ITGAE: variants seen among roughly 807,000 people sequenced by gnomAD.
ITGAE encodes the protein integrin alpha-E.
A neutral mutation model predicts 136.5 loss-of-function variants in ITGAE; 99 were observed. The ratio of observed to expected loss-of-function variants is 0.73; its 90% CI spans 0.62 to 0.86. ITGAE has a LOEUF of 0.86. ITGAE is among the 40% of genes least tolerant of loss of function. The pLI, the probability that ITGAE is intolerant of heterozygous loss-of-function variation, is 0.00. For synonymous variants in ITGAE, 613 were observed against 591.8 expected, an observed-to-expected ratio of 1.04 and a Z score of -0.52; for missense variants, 1,447 against 1,515.3, an observed-to-expected ratio of 0.95 and a Z score of 0.75.
intron 2 of ITGAE, among the ~76,000 whole-genome samples, chr17:3,773,633 A>G (rs1373494969): frequency 6.6e-6 from 1 of 152,194 alleles, no homozygotes; most frequent in Admixed American, 6.5e-5. Context: ...TCTGCTACCC[A>G]GAAGCTCCCC....
At chr17:3,733,117 G>A (rs771052653) in intron 21 of ITGAE, among the ~76,000 whole-genome samples, 3 of 152,074 alleles carry the variant, frequency 2.0e-5, no homozygotes, top group Non-Finnish European at 2.9e-5. Flanking sequence ...CCAAGTAGCT[G>A]GGATTATAGG....
intron 1 of ITGAE, among the ~76,000 whole-genome samples, chr17:3,790,621 G>A (rs1368976088): frequency 2.0e-5 from 3 of 152,090 alleles, no homozygotes; most frequent in African/African-American, 7.2e-5. Flanking sequence ...GAAACCTGAC[G>A]TTAAACTTCC....
At chr17:3,765,211 T>C (rs1211866455) in intron 2 of ITGAE, among the ~76,000 whole-genome samples, 7 of 151,206 alleles carry the variant, frequency 4.6e-5, no homozygotes, top group Non-Finnish European at 2.9e-5. Context: ...TAGCCGGGCG[T>C]GGTGGCGGGT....
Position 3,761,907 on chromosome 17 carries a change from G to A in ITGAE, c.315+8C>T. The A allele has an allele frequency of 6.2e-7, 1 of 1,612,912 alleles. No homozygotes were observed. The highest frequency in any genetic ancestry group is 2.2e-5 in the East Asian group (1 of 44,876). ...TAAGGCCCTCCCTCCTCTCGCTCCT[G>A]CACTCACCAAAACACCGTGGTGGCT... On this transcript the variant is annotated splice_region_variant and intron_variant, in intron 4 of 30. Coordinates refer to ENST00000263087, the MANE Select transcript of ITGAE (RefSeq NM_002208.5).
At chr17:3,717,577 C>T (rs2050966804) in intron 29 of ITGAE, 1 of 152,120 alleles carries the variant, frequency 6.6e-6, no homozygotes, top group South Asian at 2.1e-4. Context: ...TTAGGTGGGG[C>T]CAGAGAGCCA....
chr17:3,724,883 C>T, intron 26 of ITGAE: 1 of 1,613,488 alleles, frequency 6.2e-7, no homozygotes, highest in Non-Finnish European at 8.5e-7. Flanking sequence ...ATCAGGAGGC[C>T]AGTGTTCCCA....
chr17:3,736,275 C>G (rs777600180), intron 20 of ITGAE, among the ~76,000 whole-genome samples: 4 of 152,156 alleles, frequency 2.6e-5, no homozygotes, highest in Admixed American at 6.6e-5. Flanking sequence ...CACTATTGCA[C>G]TCCAGCCTGG....
At chr17:3,758,251 T>C (rs1373035138) in intron 8 of ITGAE, among the ~76,000 whole-genome samples, 3 of 152,178 alleles carry the variant, frequency 2.0e-5, no homozygotes, top group Non-Finnish European at 4.4e-5. Context: ...CTATTATTTT[T>C]CTTTCTTTTT....
intron 1 of ITGAE, among the ~76,000 whole-genome samples, chr17:3,797,680 T>G (rs1246964345): frequency 6.6e-6 from 1 of 151,122 alleles, no homozygotes; most frequent in Non-Finnish European, 1.5e-5. Context: ...AGGATGGTCT[T>G]GAACTCCTGA....
At chr17:3,778,118 C>T (rs778422728) in intron 1 of ITGAE, among the ~76,000 whole-genome samples, 14 of 152,020 alleles carry the variant, frequency 9.2e-5, no homozygotes, top group Non-Finnish European at 2.1e-4. Context: ...TTTATACCAG[C>T]TTTATTCGGA....
chr17:3,792,190 C>T (rs1474864580), intron 1 of ITGAE, among the ~76,000 whole-genome samples: 2 of 152,128 alleles, frequency 1.3e-5, no homozygotes, highest in African/African-American at 2.4e-5. Flanking sequence ...GGCGCGATCT[C>T]GGCTCACTGC....
rs769598023 is a variant in ITGAE at position 3,728,110 on chromosome 17, A to G, written c.2971T>C (p.Phe991Leu). 1.2e-5 allele frequency: 19 copies of G among 1,611,818 alleles called. 1 individual carries two copies. Among genetic ancestry groups the G allele is most frequent in the Middle Eastern group, 3.3e-4 (2 of 6,082 alleles). ...QGLSHHKEFLFHVHGENLFGA... is the reference protein window; with the variant it reads ...QGLSHHKEFLLHVHGENLFGA... ...TTACAATAATAAGTACTTACATGGA[A>G]GAGGAATTCTTTGTGGTGAGAAAGC... is the stretch of plus-strand genomic sequence containing the variant. Residue 991 changes from phenylalanine (F) to leucine (L), a missense_variant, in exon 25 of 31, where the codon TTC (phenylalanine) becomes CTC (leucine). Physicochemically the swap from Phe to Leu is conservative, Grantham distance 22. This residue lies in a region of ITGAE where 1,031 missense variants were observed against 1,011.4 expected (regional missense o/e 1.02). Transcript: ENST00000263087.
intron 19 of ITGAE, among the ~76,000 whole-genome samples, chr17:3,741,891 A>G (rs1274557022): frequency 6.6e-6 from 1 of 152,204 alleles, no homozygotes; most frequent in Non-Finnish European, 1.5e-5. Flanking sequence ...AGCCTGGCCA[A>G]CATAGTGAAA....
At chr17:3,741,969 C>T (rs543434151) in intron 19 of ITGAE, among the ~76,000 whole-genome samples, 85 of 152,158 alleles carry the variant, frequency 5.6e-4, no homozygotes, top group Non-Finnish European at 7.6e-4. Context: ...CCCAGCTACT[C>T]GGGAGGCTGA....
chr17:3,781,988 G>T (rs1439636698), intron 1 of ITGAE, among the ~76,000 whole-genome samples: 1 of 151,838 alleles, frequency 6.6e-6, no homozygotes, highest in Non-Finnish European at 1.5e-5. Flanking sequence ...TTAAAAGCAT[G>T]GTCTGGGCCG....
intron 1 of ITGAE, among the ~76,000 whole-genome samples, chr17:3,781,722 T>C (rs1430172940): frequency 1.3e-5 from 2 of 152,212 alleles, no homozygotes; most frequent in Admixed American, 1.3e-4. Flanking sequence ...TGGAGTGAAA[T>C]AGGGATACAA....
At chr17:3,724,207 G>A (rs957634086) in intron 26 of ITGAE, 21 of 1,592,898 alleles carry the variant, frequency 1.3e-5, no homozygotes, top group Non-Finnish European at 1.7e-5. Context: ...CCCAAGGACC[G>A]GCCCAGCCTG....
intron 1 of ITGAE, among the ~76,000 whole-genome samples, chr17:3,778,648 T>TA (rs934861744): frequency 6.6e-6 from 1 of 152,216 alleles, no homozygotes. Context: ...TGATTTTTTT[T>TA]ATTTACAGCA....
intron 2 of ITGAE, among the ~76,000 whole-genome samples, chr17:3,765,716 C>T (rs981237876): frequency 2.0e-5 from 3 of 152,126 alleles, no homozygotes; most frequent in African/African-American, 4.8e-5. Context: ...CCATCTCCTT[C>T]GAACACTTTT....
Sources: allele counts gnomAD v4.1 joint callset (sites outside exome capture counted in the v4.1 genomes callset), GRCh38; gene constraint gnomAD v4.1.1; regional missense constraint gnomAD v4.1.1; transcripts MANE v1.5; gene names NCBI Gene and HGNC (gene_info 2026-07-23, HGNC 2026-07-21).